Variants in MSANTD3 observed in about 807,000 individuals in gnomAD.
MSANTD3 encodes the protein Myb/SANT DNA binding domain containing 3, also known as myb/SANT-like DNA-binding domain-containing protein 3.
Under a neutral mutation model 27.7 loss-of-function variants are expected in MSANTD3, and 11 were observed. The ratio of observed to expected loss-of-function variants is 0.40; its 90% CI spans 0.25 to 0.66. The LOEUF (loss-of-function observed/expected upper bound fraction) is 0.66, where lower values mean the gene tolerates loss of function less well. MSANTD3 is among the 30% of genes least tolerant of loss of function. The pLI is 0.41. For missense variants in MSANTD3, 250 were observed against 336.5 expected (o/e 0.74, Z 2.01); for synonymous variants, 131 against 127.2 (o/e 1.03, Z -0.20).
chr9:100,434,250 G>T (rs958946990), intron 1 of MSANTD3, among the ~76,000 whole-genome samples: 2 of 152,168 alleles, frequency 1.3e-5, no homozygotes, highest in Admixed American at 6.5e-5. Flanking sequence ...TTGGCTGGGT[G>T]TGGTGGCTCA....
intron 1 of MSANTD3, 58 bp from the exon 2 acceptor site, chr9:100,441,847 AT>A (rs1293394888): frequency 1.3e-6 from 2 of 1,497,612 alleles, no homozygotes; most frequent in African/African-American, 2.8e-5. Flanking sequence ...AGCTTCAGTG[AT>A]TTATAGGCAT....
intron 1 of MSANTD3, among the ~76,000 whole-genome samples, chr9:100,428,696 C>A: frequency 6.6e-6 from 1 of 152,126 alleles, no homozygotes; most frequent in East Asian, 1.9e-4. Context: ...ATTGGGCCTC[C>A]TAAAATGCCA....
intron 1 of MSANTD3, among the ~76,000 whole-genome samples, chr9:100,440,486 C>T (rs942210422): frequency 6.6e-6 from 1 of 152,014 alleles, no homozygotes; most frequent in South Asian, 2.1e-4. Context: ...AAAAAACAGC[C>T]CGCATACCTG....
At position 100,450,933 on chromosome 9, in the gene MSANTD3, C is replaced by T. The variant is rs1836870478; in HGVS notation, c.795C>T (p.Ser265=). ...LQTFTKEWPV[S]SFNRPFPNSP ...CTTTTACCAAGGAATGGCCTGTTTCCTCATTTAACCGGCCCTTTCCCAATT... is the reference window on the plus strand; with the variant it reads ...CTTTTACCAAGGAATGGCCTGTTTCTTCATTTAACCGGCCCTTTCCCAATT... The change falls in exon 3 of 3, where the codon TCC becomes TCT. Residue 265 remains serine, a synonymous_variant. Transcript: ENST00000395067. The T allele has an allele frequency of 6.2e-7, 1 of 1,604,176 alleles. No homozygotes were observed. Among genetic ancestry groups the T allele is most frequent in the Non-Finnish European group, 8.5e-7 (1 of 1,176,408 alleles).
chr9:100,430,193 T>C (rs1359950315), intron 1 of MSANTD3, among the ~76,000 whole-genome samples: 1 of 150,674 alleles, frequency 6.6e-6, no homozygotes, highest in African/African-American at 2.5e-5. Context: ...AAAATAAACA[T>C]AACAGACTGG....
At chr9:100,430,113 A>T (rs1836336977) in intron 1 of MSANTD3, among the ~76,000 whole-genome samples, 1 of 151,832 alleles carries the variant, frequency 6.6e-6, no homozygotes, top group South Asian at 2.1e-4. Flanking sequence ...AAAAAAAAAA[A>T]ATCTAGTTGC....
At chr9:100,433,722 C>G (rs534116374) in intron 1 of MSANTD3, among the ~76,000 whole-genome samples, 14 of 152,092 alleles carry the variant, frequency 9.2e-5, no homozygotes, top group Non-Finnish European at 1.6e-4. Context: ...GATGTTGAGT[C>G]AGGAGACAGG....
At chr9:100,433,954 C>T (rs1836423159) in intron 1 of MSANTD3, among the ~76,000 whole-genome samples, 1 of 152,166 alleles carries the variant, frequency 6.6e-6, no homozygotes, top group African/African-American at 2.4e-5. Flanking sequence ...CTAGATCCCC[C>T]CAGTTTTGGA....
intron 1 of MSANTD3, among the ~76,000 whole-genome samples, chr9:100,438,463 A>G (rs762682979): frequency 6.6e-6 from 1 of 152,112 alleles, no homozygotes; most frequent in Non-Finnish European, 1.5e-5. Context: ...CATATAATGT[A>G]TATGTAAAAG....
chr9:100,447,553 T>G (rs1173882225), intron 2 of MSANTD3, among the ~76,000 whole-genome samples: 2 of 152,144 alleles, frequency 1.3e-5, no homozygotes, highest in African/African-American at 2.4e-5. Flanking sequence ...GGTTTTTTAG[T>G]GGATACAATT....
Position 100,450,764 on chromosome 9 carries a change from A to G in MSANTD3, c.626A>G (p.Gln209Arg), listed in dbSNP as rs1210338145. 6.2e-7 allele frequency: 1 copy of G among 1,614,024 alleles called. No individual in the cohort carries two copies. Among genetic ancestry groups the G allele is most frequent in the Admixed American group, 1.7e-5 (1 of 59,992 alleles). ...EEHHQQMSIL[Q>R]LQLIQMNEVH... The stretch of plus-strand genomic sequence containing the variant: ...CACCATCAACAAATGTCCATCTTAC[A>G]ACTGCAACTGATACAAATGAATGAG... The change falls in exon 3 of 3, where the codon CAA becomes CGA. Residue 209 changes from glutamine (Q) to arginine (R), a missense_variant. By Grantham distance (43) the Gln-to-Arg change is conservative (BLOSUM62 1). Transcript: ENST00000395067.
At chr9:100,430,095 CAAA>C (rs34052606) in intron 1 of MSANTD3, among the ~76,000 whole-genome samples, 10 of 110,946 alleles carry the variant, frequency 9.0e-5, no homozygotes, top group Admixed American at 1.0e-4. Context: ...CTCTCTCTCT[CAAA>C]AAAAAAAAAA....
chr9:100,440,807 T>TA (rs944542670), intron 1 of MSANTD3, among the ~76,000 whole-genome samples: 2 of 129,752 alleles, frequency 1.5e-5, no homozygotes, highest in Admixed American at 7.8e-5. Context: ...TTTTTTTTTT[T>TA]AGAGACAGGG....
At chr9:100,444,778 C>A (rs747538296) in intron 2 of MSANTD3, 18 of 157,732 alleles carry the variant, frequency 1.1e-4, no homozygotes, top group Admixed American at 2.5e-4. Context: ...AGAGTTTTTT[C>A]TCTTTCTCTT....
At chr9:100,448,138 C>T in intron 2 of MSANTD3, 1 of 850,364 alleles carries the variant, frequency 1.2e-6, no homozygotes, top group Non-Finnish European at 1.4e-6. Context: ...TGGCAGTGAG[C>T]TGAGATCACG....
At chr9:100,431,860 G>A (rs1184869865) in intron 1 of MSANTD3, among the ~76,000 whole-genome samples, 3 of 152,148 alleles carry the variant, frequency 2.0e-5, no homozygotes, top group South Asian at 2.1e-4. Context: ...TTCAGTAGAC[G>A]AGAAGGAGGC....
chr9:100,441,802 C>G, intron 1 of MSANTD3, 104 bp from the exon 2 acceptor site: 2 of 1,256,730 alleles, frequency 1.6e-6, no homozygotes, highest in Non-Finnish European at 2.2e-6. Context: ...AAAGAAAGTA[C>G]TGTATTTCAG....
At chr9:100,445,316 C>T (rs1489020910) in intron 2 of MSANTD3, 15 of 872,110 alleles carry the variant, frequency 1.7e-5, no homozygotes, top group Non-Finnish European at 2.5e-5. Context: ...TGTGATCTTT[C>T]TATTTCTAAC....
chr9:100,431,923 T>C (rs1374988255), intron 1 of MSANTD3, among the ~76,000 whole-genome samples: 1 of 152,176 alleles, frequency 6.6e-6, no homozygotes, highest in Non-Finnish European at 1.5e-5. Flanking sequence ...CACTGCTTTC[T>C]GTGGAAGATA....
Sources: gnomAD v4.1 joint callset for allele counts (sites outside exome capture counted in the v4.1 genomes callset) on GRCh38, gnomAD v4.1.1 for gene constraint, MANE v1.5 for transcripts, NCBI Gene and HGNC (gene_info 2026-07-23, HGNC 2026-07-21) for gene names.